The following ZNF471 variants were observed in gnomAD, a reference collection of about 807,000 sequenced individuals.
ZNF471 encodes zinc finger protein 471.
Under a neutral mutation model 13.7 loss-of-function variants are expected in ZNF471, and 7 were observed. The ratio of observed to expected loss-of-function variants is 0.51; its 90% confidence interval spans 0.29 to 0.96. The LOEUF is 0.96. ZNF471 is among the 40% of genes least tolerant of loss of function. The pLI is 0.08. For missense variants in ZNF471, 663 were observed against 743.3 expected (o/e 0.89, Z 1.26); for synonymous variants, 218 against 235.6 (o/e 0.93, Z 0.68).
chr19:56,529,335 C>G lies in ZNF471; in HGVS notation c.*3387C>G, dbSNP rs1200355991. ...TCAGCATCCCATTTGACTCCTTACA[C>G]AGAAGTTCATTCTATACTCATTACA... On this transcript the variant is annotated 3_prime_UTR_variant, in exon 5 of 5. Transcript: ENST00000308031. The G allele has an allele frequency of 6.6e-6, 1 of 151,726 alleles. No homozygotes were observed. Among genetic ancestry groups the G allele is most frequent in the African/African-American group, 2.4e-5 (1 of 41,218 alleles). The allele number at this position is 151,726 out of a possible 1,614,324, so 9.4% of individuals were successfully genotyped here.
At chr19:56,523,532 C>T (rs906179451) in intron 4 of ZNF471, among the ~76,000 whole-genome samples, 1 of 152,080 alleles carries the variant, frequency 6.6e-6, no homozygotes, top group Non-Finnish European at 1.5e-5. Context: ...ACACCATTTT[C>T]ACATTATGAA....
chr19:56,525,459 T>C lies in ZNF471; in HGVS notation c.1392T>C (p.Cys464=), dbSNP rs758005517. 4 of 1,614,080 alleles carry C rather than the reference T, an allele frequency of 2.5e-6. No individual in the cohort carries two copies. The highest frequency in any genetic ancestry group is 3.3e-4 in the Middle Eastern group (2 of 6,060). Residue 464 remains cysteine (C), a synonymous_variant, in exon 5 of 5, where the codon TGT becomes TGC. Coordinates refer to ENST00000308031, the MANE Select transcript of ZNF471 (RefSeq NM_020813.4). Reference sequence around the variant, plus strand: ...AGAAACCGTATGAATGCAAGGAATGTGGGAAAGCCTTTAGGCAGAATGTAC... The same window carrying C: ...AGAAACCGTATGAATGCAAGGAATGCGGGAAAGCCTTTAGGCAGAATGTAC... ...SGEKPYECKE[C]GKAFRQNVHL...
At position 56,510,426 on chromosome 19, in the gene ZNF471, C is replaced by T. The variant is rs559809614; in HGVS notation, c.-55-1091C>T. 16 of 985,500 alleles carry T rather than the reference C, an allele frequency of 1.6e-5. No individual in the cohort carries two copies. In the South Asian group the frequency reaches 6.6e-4, roughly 41 times the overall value. 61.0% of individuals were successfully genotyped at this position (985,500 alleles called of 1,614,324 possible). On this transcript the variant is annotated intron_variant, in intron 1 of 4. Transcript: ENST00000308031. The surrounding 1 kb of genome is among the most constrained non-coding windows in gnomAD (Gnocchi z 4.3). The stretch of plus-strand genomic sequence containing the variant: ...TATCCAAAAGGCTTTACAAATATAA[C>T]CTCTGTGAGGTTGTGAAGCATGCAT...
rs2044070759 is a variant in ZNF471 at position 56,528,250 on chromosome 19, A to G, written c.*2302A>G. The G allele has an allele frequency of 6.6e-6, 1 of 152,186 alleles. No homozygotes were observed. The highest frequency in any genetic ancestry group is 2.4e-5 in the African/African-American group (1 of 41,436). 9.4% of individuals were successfully genotyped at this position (152,186 alleles called of 1,614,324 possible). ...TTACTCTTAAAACTCTAGTTAAAAT[A>G]CTTGATGTACATAAAGTGCTTAGCA... On this transcript the variant is annotated 3_prime_UTR_variant, in exon 5 of 5. Transcript: ENST00000308031.
In ZNF471 at chr19:56,527,866, C is replaced by T. The variant is rs966493117; in HGVS notation, c.*1918C>T. On this transcript the variant is annotated 3_prime_UTR_variant, in exon 5 of 5. Coordinates refer to ENST00000308031, the MANE Select transcript of ZNF471 (RefSeq NM_020813.4). ...ACATCACCAAGTCCTGTGGATATATCTGCTAAATATTTTTGGAATTTATCC... is the reference window on the plus strand; with the variant it reads ...ACATCACCAAGTCCTGTGGATATATTTGCTAAATATTTTTGGAATTTATCC... The T allele has an allele frequency of 6.6e-6, 1 of 152,218 alleles. No homozygotes were observed. Among genetic ancestry groups the T allele is most frequent in the Non-Finnish European group, 1.5e-5 (1 of 68,048 alleles). The allele number at this position is 152,218 out of a possible 1,614,324, so 9.4% of individuals were successfully genotyped here. A position where few individuals can be genotyped will look rare whatever the true frequency, so the allele number is the denominator to read the frequency against.
In ZNF471 at chr19:56,526,008, A is replaced by T; in HGVS notation, c.*60A>T. 6.9e-7 allele frequency: 1 copy of T among 1,449,236 alleles called. No homozygotes were observed. The highest frequency in any genetic ancestry group is 9.3e-7 in the Non-Finnish European group (1 of 1,080,954). The allele number at this position is 1,449,236 out of a possible 1,614,324, so 89.8% of individuals were successfully genotyped here. ...ACCAATCCCCTACTGTTAATCAGAGATGTCCCACTGGATAAAAAACATATA... is the reference window on the plus strand; with the variant it reads ...ACCAATCCCCTACTGTTAATCAGAGTTGTCCCACTGGATAAAAAACATATA... On this transcript the variant is annotated 3_prime_UTR_variant, in exon 5 of 5. Coordinates refer to ENST00000308031, the MANE Select transcript of ZNF471 (RefSeq NM_020813.4).
chr19:56,525,921 A>G lies in ZNF471; in HGVS notation c.1854A>G (p.Gln618=), dbSNP rs1325218356. ...FRRKLSLICH[Q]RSHTGEEP ...GAAAGTTATCCTTAATTTGTCATCA[A>G]AGAAGTCATACTGGAGAAGAACCTT... Residue 618 remains glutamine, a synonymous_variant, in exon 5 of 5, where the codon CAA becomes CAG. Coordinates refer to ENST00000308031, the MANE Select transcript of ZNF471 (RefSeq NM_020813.4). 7 of 1,571,630 alleles carry G rather than the reference A, an allele frequency of 4.5e-6. No homozygotes were observed. Among genetic ancestry groups the G allele is most frequent in the Non-Finnish European group, 6.0e-6 (7 of 1,162,608 alleles).
rs1350526888 is a variant in ZNF471, at chr19:56,522,098, A to G, written c.257-2226A>G. On this transcript the variant is annotated intron_variant, in intron 4 of 4. Transcript: ENST00000308031. The surrounding 1 kb of genome is among the most constrained non-coding windows in gnomAD (Gnocchi z 4.1). ...GCTTGTAGACCAGGAGCAGTAGGCC[A>G]TATAGCCTAAGTGTGCAGCAGGCTA... 6.6e-6 allele frequency among the ~76,000 whole-genome samples: 1 copy of G among 152,226 alleles called. No homozygotes were observed. Among genetic ancestry groups the G allele is most frequent in the East Asian group, 1.9e-4 (1 of 5,200 alleles).
chr19:56,519,121 G>T (rs749221970), intron 4 of ZNF471, among the ~76,000 whole-genome samples: 1 of 151,934 alleles, frequency 6.6e-6, no homozygotes, highest in Admixed American at 6.6e-5. Flanking sequence ...GATACCCAGG[G>T]TATGTTTCAA....
At position 56,525,246 on chromosome 19, in the gene ZNF471, T is replaced by A; in HGVS notation, c.1179T>A (p.His393Gln). 3 of 1,614,172 alleles carry A rather than the reference T, an allele frequency of 1.9e-6. No homozygotes were observed. The highest frequency in any genetic ancestry group is 2.5e-6 in the Non-Finnish European group (3 of 1,180,028). ...GTGTTCACATAGGACTTATTCTGCA[T>A]AGGAGAATTCATACAGGAGAGAAAC... Reference protein sequence around the residue: ...AFSVHIGLILHRRIHTGEKPY... With the variant: ...AFSVHIGLILQRRIHTGEKPY... Residue 393 changes from histidine to glutamine, a missense_variant, in exon 5 of 5, where the codon CAT becomes CAA. Physicochemically the swap from His to Gln is conservative, Grantham distance 24 (BLOSUM62 0). Coordinates refer to ENST00000308031, the MANE Select transcript of ZNF471 (RefSeq NM_020813.4).
chr19:56,511,036 G>C (rs1459229309), intron 1 of ZNF471: 7 of 985,020 alleles, frequency 7.1e-6, no homozygotes, highest in Non-Finnish European at 8.4e-6. Context: ...ATTGAGTGAA[G>C]AAGGAGGATA....
Position 56,524,540 on chromosome 19 carries a change from A to C in ZNF471, c.473A>C (p.Glu158Ala). ...AAAGAAACCATCACTAAGGAAACAG[A>C]ATTCAAATATACTAAATTTGGGAAA... is the stretch of plus-strand genomic sequence containing the variant. ...THKETITKET[E>A]FKYTKFGKCI... The change falls in exon 5 of 5, where the codon GAA becomes GCA. Residue 158 changes from glutamate to alanine, a missense_variant. Physicochemically the swap from Glu to Ala is moderately radical, Grantham distance 107. Coordinates refer to ENST00000308031, the MANE Select transcript of ZNF471 (RefSeq NM_020813.4). This position sits in a 1 kb window ranked among gnomAD's most constrained non-coding sequence, Gnocchi z 4.8. 6.2e-7 allele frequency: 1 copy of C among 1,600,728 alleles called. No individual in the cohort carries two copies. The highest frequency in any genetic ancestry group is 8.5e-7 in the Non-Finnish European group (1 of 1,176,374).
At chr19:56,515,923 C>A (rs1307323343) in intron 2 of ZNF471, among the ~76,000 whole-genome samples, 1 of 152,168 alleles carries the variant, frequency 6.6e-6, no homozygotes, top group East Asian at 1.9e-4. Flanking sequence ...ATGCCTTTCT[C>A]CAGCCCCTGC....
Position 56,525,210 on chromosome 19 carries a change from G to A in ZNF471, c.1143G>A (p.Gly381=). 1.9e-6 allele frequency: 3 copies of A among 1,613,892 alleles called. No individual in the cohort carries two copies. The highest frequency in any genetic ancestry group is 1.7e-5 in the Admixed American group (1 of 59,998). ...GEKPFNCIDC[G]KAFSVHIGLI... Reference sequence around the variant, plus strand: ...AGCCTTTTAATTGCATTGATTGTGGGAAAGCCTTCAGTGTTCACATAGGAC... The same window carrying A: ...AGCCTTTTAATTGCATTGATTGTGGAAAAGCCTTCAGTGTTCACATAGGAC... Residue 381 remains glycine (G), a synonymous_variant, in exon 5 of 5, where the codon GGG becomes GGA. Coordinates refer to ENST00000308031, the MANE Select transcript of ZNF471 (RefSeq NM_020813.4).
rs2147897530 is a variant in ZNF471 at position 56,508,464 on chromosome 19, TGTGAGAGA to T, written c.-56+551_-56+558del. Among the ~76,000 whole-genome samples the T allele has an allele frequency of 6.6e-6, 1 of 150,950 alleles. No homozygotes were observed. The highest frequency in any genetic ancestry group is 2.1e-4 in the South Asian group (1 of 4,728). On this transcript the variant is annotated intron_variant, in intron 1 of 4. Transcript: ENST00000308031. This position sits in a 1 kb window ranked among gnomAD's most constrained non-coding sequence, Gnocchi z 4.7. ...AGAGCGTGAGACCAGGATGTATTCG[TGTGAGAGA>T]GTGAGACGGGCTGGATGGAGTGTGA...
Position 56,524,947 on chromosome 19 carries a change from G to T in ZNF471, c.880G>T (p.Glu294Ter). The change falls in exon 5 of 5, where the codon GAA (glutamate) becomes TAA (stop). Residue 294 changes from glutamate (E) to a stop codon, truncating the protein, a stop_gained. Transcript: ENST00000308031. LOFTEE classifies it low-confidence loss of function (END_TRUNC). This position sits in a 1 kb window ranked among gnomAD's most constrained non-coding sequence, Gnocchi z 4.8. ...HTGEKPYKCK[E>*]CRKAFRQPAH... ...TGGAGAAAAACCATATAAATGTAAG[G>T]AATGCAGAAAAGCCTTCAGACAGCC... The T allele has an allele frequency of 6.2e-7, 1 of 1,614,094 alleles. No individual in the cohort carries two copies. Among genetic ancestry groups the T allele is most frequent in the Non-Finnish European group, 8.5e-7 (1 of 1,180,022 alleles).
chr19:56,513,379 G>A (rs908370236), intron 2 of ZNF471, among the ~76,000 whole-genome samples: 1 of 152,100 alleles, frequency 6.6e-6, no homozygotes, highest in Non-Finnish European at 1.5e-5. Flanking sequence ...AGCGTAGCTT[G>A]GTGTCTTTCA....
chr19:56,508,238 T>TGTGG lies in ZNF471; in HGVS notation c.-56+321_-56+322insGGTG, dbSNP rs754151152. On this transcript the variant is annotated intron_variant, in intron 1 of 4. Transcript: ENST00000308031. This position sits in a 1 kb window ranked among gnomAD's most constrained non-coding sequence, Gnocchi z 4.7. Reference sequence around the variant, plus strand: ...TGAGAGGGTGTGGTTTCTGTGTGTGTGTGTGTGTGTGTGTGACAGACCGAG... The same window carrying TGTGG: ...TGAGAGGGTGTGGTTTCTGTGTGTGTGTGGGTGTGTGTGTGTGTGACAGACCGAG... The TGTGG allele has an allele frequency of 0.03, 27,341 of 914,738 alleles. 417 individuals are homozygous for TGTGG. Among genetic ancestry groups the TGTGG allele is most frequent in the East Asian group, 0.1 (873 of 8,384 alleles). 56.7% of individuals were successfully genotyped at this position (914,738 alleles called of 1,614,324 possible).
rs562258762 is a variant in ZNF471, at chr19:56,530,087, G to A, written c.*4139G>A. 5.4e-4 allele frequency: 82 copies of A among 152,338 alleles called. No homozygotes were observed. The highest frequency in any genetic ancestry group is 1.7e-3 in the African/African-American group (72 of 41,572). The allele number at this position is 152,338 out of a possible 1,614,324, so 9.4% of individuals were successfully genotyped here. A position where few individuals can be genotyped will look rare whatever the true frequency, so the allele number is the denominator to read the frequency against. ...GAAAATCAGTTTAGTAGATCACTGT[G>A]TAGTTACGGAAAATGAGATGGATCT... On this transcript the variant is annotated 3_prime_UTR_variant, in exon 5 of 5. Transcript: ENST00000308031.
Sources: gnomAD v4.1 joint callset for allele counts (sites outside exome capture counted in the v4.1 genomes callset) on GRCh38, gnomAD v4.1.1 for gene constraint, Gnocchi (gnomAD v3.1) non-coding constraint, MANE v1.5 for transcripts, NCBI Gene and HGNC (gene_info 2026-07-23, HGNC 2026-07-21) for gene names.